Variants in STRN3 observed in about 807,000 individuals in gnomAD.
The protein encoded by STRN3 is striatin 3.
STRN3 carries 29 observed loss-of-function variants against 95.6 expected under a neutral mutation model. That is an observed-to-expected ratio of 0.30 (90% CI 0.23 to 0.41). The LOEUF is 0.41. Among genes scored for constraint, STRN3 ranks in the 10% least tolerant of loss-of-function variants. The pLI is 1.00. For synonymous variants in STRN3, 331 were observed against 357.6 expected (o/e 0.93, Z 0.84); for missense variants, 890 against 972.1 (o/e 0.92, Z 1.12).
At chr14:30,942,804 G>C (rs1457889600) in intron 5 of STRN3, among the ~76,000 whole-genome samples, 1 of 152,092 alleles carries the variant, frequency 6.6e-6, no homozygotes, top group Non-Finnish European at 1.5e-5. Context: ...ATTTCAACTA[G>C]ATACACAATA....
At chr14:30,932,907 A>G (rs2139064013) in intron 7 of STRN3, among the ~76,000 whole-genome samples, 1 of 152,334 alleles carries the variant, frequency 6.6e-6, no homozygotes, top group Admixed American at 6.5e-5. Context: ...AATGAAAATA[A>G]GCTAAATGTG....
intron 1 of STRN3, among the ~76,000 whole-genome samples, chr14:30,965,894 T>G (rs746445475): frequency 3.9e-5 from 6 of 152,142 alleles, no homozygotes; most frequent in Non-Finnish European, 8.8e-5. Context: ...TATGTCAGTA[T>G]GTTCCACTCT....
In STRN3 at chr14:30,911,994, C is replaced by A. The variant is rs367660503; in HGVS notation, c.1550+13G>T. The A allele has an allele frequency of 3.7e-6, 6 of 1,605,502 alleles. No homozygotes were observed. Among genetic ancestry groups the A allele is most frequent in the Non-Finnish European group, 5.1e-6 (6 of 1,177,702 alleles). ...TTGGAAGAAATACACCAGGCTAACA[C>A]TAAAATACTTGCTTTTTGGCAGGAA... On this transcript the variant is annotated intron_variant, in intron 11 of 17. Coordinates refer to ENST00000357479, the MANE Select transcript of STRN3 (RefSeq NM_001083893.2).
rs76941922 is a variant in STRN3, at chr14:30,917,363, A to C, written c.1240+1603T>G. Reference sequence around the variant, plus strand: ...TGGTTTTTGTGTAGAGTGTGCCTTGACTGGCTTTTTCCGTTAAGTCATTGG... The same window carrying C: ...TGGTTTTTGTGTAGAGTGTGCCTTGCCTGGCTTTTTCCGTTAAGTCATTGG... On this transcript the variant is annotated intron_variant, in intron 9 of 17. Transcript: ENST00000357479. 5.4e-3 allele frequency among the ~76,000 whole-genome samples: 821 copies of C among 152,274 alleles called. 7 individuals carry two copies. Among genetic ancestry groups the C allele is most frequent in the African/African-American group, 0.019 (774 of 41,544 alleles).
At chr14:30,940,205 G>A (rs561126942) in intron 5 of STRN3, among the ~76,000 whole-genome samples, 46 of 151,994 alleles carry the variant, frequency 3.0e-4, no homozygotes, top group Middle Eastern at 3.4e-3. Context: ...TTCTACTCTG[G>A]CTAATGTCCA....
At chr14:30,988,749 T>C (rs1881811907) in intron 1 of STRN3, among the ~76,000 whole-genome samples, 1 of 152,222 alleles carries the variant, frequency 6.6e-6, no homozygotes. Context: ...TTTTCAAGCT[T>C]ATTTTTCATC....
chr14:30,954,523 C>T (rs1025674737), intron 3 of STRN3, among the ~76,000 whole-genome samples: 2 of 152,112 alleles, frequency 1.3e-5, no homozygotes, highest in African/African-American at 2.4e-5. Context: ...CTGCCCATCC[C>T]TTTGTTTGGT....
At chr14:30,996,581 A>G (rs1335868800) in intron 1 of STRN3, among the ~76,000 whole-genome samples, 1 of 152,162 alleles carries the variant, frequency 6.6e-6, no homozygotes, top group Non-Finnish European at 1.5e-5. Flanking sequence ...AGAAGGTGCA[A>G]TGTAGGCTAG....
At chr14:30,932,731 T>C (rs1878604705) in intron 7 of STRN3, among the ~76,000 whole-genome samples, 1 of 152,178 alleles carries the variant, frequency 6.6e-6, no homozygotes, top group South Asian at 2.1e-4. Context: ...ATATAGAAAC[T>C]ATTATCAAAG....
intron 10 of STRN3, among the ~76,000 whole-genome samples, chr14:30,913,172 T>A (rs1180608534): frequency 6.6e-6 from 1 of 152,186 alleles, no homozygotes; most frequent in Non-Finnish European, 1.5e-5. Context: ...AAACATGCTT[T>A]TTAAGAAGTA....
At chr14:30,982,098 C>CAAAAA (rs11451891) in intron 1 of STRN3, among the ~76,000 whole-genome samples, 1,686 of 72,200 alleles carry the variant, frequency 0.023, 6 homozygotes, top group Middle Eastern at 0.039. Flanking sequence ...CTCTGTCTCA[C>CAAAAA]AAAAAAAAAA....
At chr14:30,934,101 G>A (rs571234686) in intron 7 of STRN3, among the ~76,000 whole-genome samples, 35 of 152,226 alleles carry the variant, frequency 2.3e-4, no homozygotes, top group South Asian at 4.1e-4. Flanking sequence ...CAAGGCGGGC[G>A]GATCGCGATG....
chr14:30,905,309 T>C, intron 15 of STRN3, 109 bp downstream of exon 15: 7 of 1,091,926 alleles, frequency 6.4e-6, no homozygotes, highest in Non-Finnish European at 8.6e-6. Flanking sequence ...AACTAATTAT[T>C]TTGCCATCCT....
chr14:30,984,614 C>T (rs1245279008), intron 1 of STRN3, among the ~76,000 whole-genome samples: 1 of 151,886 alleles, frequency 6.6e-6, no homozygotes, highest in African/African-American at 2.4e-5. Context: ...CTCGTATCCA[C>T]CAAAAATACA....
At chr14:31,025,856 C>T (rs780857936) in intron 1 of STRN3, 48 bp downstream of exon 1, 1 of 1,568,712 alleles carries the variant, frequency 6.4e-7, no homozygotes, top group Non-Finnish European at 8.6e-7. Context: ...ACCCCCCGGC[C>T]GGGAACCCAG....
At chr14:31,021,711 A>T (rs554504128) in intron 1 of STRN3, among the ~76,000 whole-genome samples, 1 of 152,384 alleles carries the variant, frequency 6.6e-6, no homozygotes, top group East Asian at 1.9e-4. Flanking sequence ...GGATTTGTTA[A>T]CAACAGAGTG....
At chr14:30,944,564 T>C (rs1054929638) in intron 5 of STRN3, among the ~76,000 whole-genome samples, 1 of 72,696 alleles carries the variant, frequency 1.4e-5, no homozygotes, top group Non-Finnish European at 3.2e-5. Context: ...TATATATATA[T>C]ATATATACAC....
intron 1 of STRN3, among the ~76,000 whole-genome samples, chr14:30,977,052 C>T (rs905425956): frequency 5.9e-5 from 9 of 151,984 alleles, no homozygotes; most frequent in South Asian, 2.1e-4. Context: ...TGGTGAAACC[C>T]TGTCTCTACT....
In STRN3 at chr14:30,955,683, G is replaced by T; in HGVS notation, c.397C>A (p.His133Asn). 1.3e-6 allele frequency: 2 copies of T among 1,580,190 alleles called. No individual in the cohort carries two copies. The highest frequency in any genetic ancestry group is 2.3e-5 in the East Asian group (1 of 42,810). Residue 133 changes from histidine to asparagine, a missense_variant, in exon 3 of 18, where the codon CAC becomes AAC. This residue lies in a region of STRN3 where 526 missense variants were observed against 526.3 expected (regional missense o/e 1.00). Transcript: ENST00000357479. ...AGTTCCGTGCCATATTTTAATTTGT[G>T]ATATTTTGCCCTGAAAATTTAATCA... ...YALKQERAKY[H>N]KLKYGTELNQ...
Sources: allele counts gnomAD v4.1 joint callset (sites outside exome capture counted in the v4.1 genomes callset), GRCh38; gene constraint gnomAD v4.1.1; regional missense constraint gnomAD v4.1.1; transcripts MANE v1.5; gene names NCBI Gene and HGNC (gene_info 2026-07-23, HGNC 2026-07-21).